The following DHX16 variants were observed in gnomAD, a reference collection of about 807,000 sequenced individuals.
DHX16 encodes the protein DEAH-box helicase 16.
A neutral mutation model predicts 131.2 loss-of-function variants in DHX16; 81 were observed. The observed-to-expected ratio is 0.62, with a 90% CI of 0.52 to 0.74. DHX16 has a LOEUF of 0.74. Among genes scored for constraint, DHX16 ranks in the 30% least tolerant of loss-of-function variants. The probability of loss-of-function intolerance (pLI) is 0.00; values close to 1 mark genes in which losing one functional copy is unlikely to be tolerated. For missense variants in DHX16, 980 were observed against 1,363.1 expected (o/e 0.72, Z 4.43); for synonymous variants, 440 against 520.2 (o/e 0.85, Z 2.10).
At chr6:30,667,975 T>A (rs1769198992) in intron 4 of DHX16, among the ~76,000 whole-genome samples, 1 of 152,228 alleles carries the variant, frequency 6.6e-6, no homozygotes, top group South Asian at 2.1e-4. Flanking sequence ...ATGCAATGCA[T>A]GAACCTTGAC....
chr6:30,658,383 A>T (rs1317628911), intron 12 of DHX16, among the ~76,000 whole-genome samples: 1 of 152,112 alleles, frequency 6.6e-6, no homozygotes, highest in Non-Finnish European at 1.5e-5. Context: ...TCTCTACTAA[A>T]AATACAAAAA....
At position 30,653,128 on chromosome 6, in the gene DHX16, C is replaced by T; in HGVS notation, c.*114G>A. ...GATAGAATTTCACATATCACTTTCTCTAGATCCCAAATGTTCCCACAAGCT... is the reference window on the plus strand; with the variant it reads ...GATAGAATTTCACATATCACTTTCTTTAGATCCCAAATGTTCCCACAAGCT... On this transcript the variant is annotated 3_prime_UTR_variant, in exon 20 of 20. Coordinates refer to ENST00000376442, the MANE Select transcript of DHX16 (RefSeq NM_003587.5). 4 of 1,336,902 alleles carry T rather than the reference C, an allele frequency of 3.0e-6. No homozygotes were observed. The highest frequency in any genetic ancestry group is 4.1e-6 in the Non-Finnish European group (4 of 986,184). The allele number at this position is 1,336,902 out of a possible 1,614,324, so 82.8% of individuals were successfully genotyped here.
chr6:30,672,919 G>A lies in DHX16; in HGVS notation c.-78C>T, dbSNP rs757591841. On this transcript the variant is annotated 5_prime_UTR_variant, in exon 1 of 20. Coordinates refer to ENST00000376442, the MANE Select transcript of DHX16 (RefSeq NM_003587.5). ...CTGCTGGGCCGGTCAGAGGCCTGGA[G>A]CCCTCGGCTGGAGCCTCAGCTTCGC... 6.4e-7 allele frequency: 1 copy of A among 1,573,186 alleles called. No individual in the cohort carries two copies. The highest frequency in any genetic ancestry group is 2.4e-5 in the East Asian group (1 of 41,672).
Position 30,672,752 on chromosome 6 carries a change from C to T in DHX16, c.90G>A (p.Leu30=). The T allele has an allele frequency of 6.2e-7, 1 of 1,613,084 alleles. No homozygotes were observed. Among genetic ancestry groups the T allele is most frequent in the Non-Finnish European group, 8.5e-7 (1 of 1,180,040 alleles). ...AGGTGCAGCGCTGTGCGGTACCGAT[C>T]AGAAACTGGGCGACGTGCCGCTCGC... The part of the protein sequence containing the change: ...GLSERHVAQF[L]IGTAQRCTSA... Residue 30 remains leucine (L), a synonymous_variant, in exon 1 of 20, where the codon CTG becomes CTA. Transcript: ENST00000376442.
intron 1 of DHX16, among the ~76,000 whole-genome samples, chr6:30,671,592 A>G (rs9295902): frequency 0.049 from 7,420 of 151,348 alleles, 359 homozygotes; most frequent in African/African-American, 0.12. Flanking sequence ...TGATCCACTC[A>G]CCTCAGCCTC....
chr6:30,670,268 C>T lies in DHX16; in HGVS notation c.666+142G>A. ...AAGTCTATCCTCAGCTGGCTCCTAA[C>T]AACCAAGCCCCTCTTCTAGAAACCT... On this transcript the variant is annotated intron_variant, in intron 4 of 19. Coordinates refer to ENST00000376442, the MANE Select transcript of DHX16 (RefSeq NM_003587.5). This position sits in a 1 kb window ranked among gnomAD's most constrained non-coding sequence, Gnocchi z 4.4. 1 of 770,354 alleles carries T rather than the reference C, an allele frequency of 1.3e-6. No individual in the cohort carries two copies. Among genetic ancestry groups the T allele is most frequent in the Non-Finnish European group, 2.0e-6 (1 of 489,346 alleles). 47.7% of individuals were successfully genotyped at this position (770,354 alleles called of 1,614,324 possible).
rs771141857 is a variant in DHX16, at chr6:30,665,212, G to A, written c.984C>T (p.Arg328=). 54 of 1,607,848 alleles carry A rather than the reference G, an allele frequency of 3.4e-5. No homozygotes were observed. The highest frequency in any genetic ancestry group is 4.2e-5 in the Non-Finnish European group (49 of 1,179,794). Residue 328 remains arginine, a synonymous_variant, in exon 6 of 20, where the codon CGC becomes CGT. Coordinates refer to ENST00000376442, the MANE Select transcript of DHX16 (RefSeq NM_003587.5). The surrounding 1 kb of genome is among the most constrained non-coding windows in gnomAD (Gnocchi z 4.8). The part of the protein sequence containing the change: ...ESGAPGEEQR[R]WEEARLGAAS... ...CTGCCCCAAGCCGCGCCTCCTCCCA[G>A]CGCCGCTGCTCCTCCCCAGGGGCTC...
At chr6:30,668,843 C>A (rs574835320) in intron 4 of DHX16, among the ~76,000 whole-genome samples, 37 of 152,260 alleles carry the variant, frequency 2.4e-4, no homozygotes, top group African/African-American at 5.1e-4. Flanking sequence ...TGGTGACTCA[C>A]GCCTATAATC....
intron 1 of DHX16, among the ~76,000 whole-genome samples, chr6:30,671,891 C>G (rs2127596431): frequency 6.6e-6 from 1 of 151,534 alleles, no homozygotes; most frequent in South Asian, 2.1e-4. Flanking sequence ...CCATGTTGCC[C>G]AGGCTGGTCT....
chr6:30,655,202 G>T lies in DHX16; in HGVS notation c.2796C>A (p.Cys932Ter). ...TGCGTACACGGATATAGTCCCCCTG[G>T]CAGGAACTGAGACCAACTTCCACAC... ...LERVEVGLSS[C>*]QGDYIRVRKA... The change falls in exon 18 of 20, where the codon TGC becomes TGA. Residue 932 changes from cysteine (C) to a stop codon, truncating the protein, a stop_gained. Coordinates refer to ENST00000376442, the MANE Select transcript of DHX16 (RefSeq NM_003587.5). LOFTEE classifies it high-confidence loss of function. 6.2e-7 allele frequency: 1 copy of T among 1,614,174 alleles called. No individual in the cohort carries two copies.
chr6:30,654,636 T>G, intron 19 of DHX16, 70 bp downstream of exon 19: 1 of 1,458,074 alleles, frequency 6.9e-7, no homozygotes, highest in Non-Finnish European at 9.2e-7. Context: ...TGAACCTGGG[T>G]TCTTAGCTTG....
intron 12 of DHX16, 83 bp downstream of exon 12, chr6:30,659,389 C>G (rs1768265970): frequency 6.9e-7 from 1 of 1,442,536 alleles, no homozygotes; most frequent in African/African-American, 1.4e-5. Flanking sequence ...GCAGGACTCA[C>G]CTTGCATGGG....
intron 19 of DHX16, among the ~76,000 whole-genome samples, chr6:30,654,106 C>T (rs915944094): frequency 1.4e-4 from 10 of 72,092 alleles, no homozygotes; most frequent in African/African-American, 2.6e-4. Context: ...TACAACAGCA[C>T]GGAACTCTCA....
intron 7 of DHX16, 133 bp downstream of exon 7, chr6:30,664,668 T>C: frequency 1.3e-6 from 1 of 795,702 alleles, no homozygotes; most frequent in Non-Finnish European, 2.0e-6. Flanking sequence ...TGGTCTTTAC[T>C]CTCAAGAATT....
intron 1 of DHX16, among the ~76,000 whole-genome samples, chr6:30,671,678 T>C (rs550040534): frequency 2.0e-5 from 3 of 149,944 alleles, no homozygotes; most frequent in Non-Finnish European, 4.5e-5. Flanking sequence ...CTAACCAGCA[T>C]TCATTCTCTT....
intron 1 of DHX16, 128 bp from the exon 2 acceptor site, chr6:30,671,402 C>A: frequency 1.2e-6 from 1 of 851,976 alleles, no homozygotes; most frequent in Non-Finnish European, 1.9e-6. Context: ...CACTGTCAGG[C>A]AATGGCGTGA....
rs1424050438 is a variant in DHX16 at position 30,663,034 on chromosome 6, G to A, written c.1318-13C>T. 1.3e-6 allele frequency: 2 copies of A among 1,587,776 alleles called. No individual in the cohort carries two copies. Among genetic ancestry groups the A allele is most frequent in the Non-Finnish European group, 1.7e-6 (2 of 1,167,806 alleles). On this transcript the variant is annotated splice_polypyrimidine_tract_variant and intron_variant, in intron 7 of 19. Coordinates refer to ENST00000376442, the MANE Select transcript of DHX16 (RefSeq NM_003587.5). ...TGTTTGTATAACCCTGAATGACAAAGAAAAAAGAAGAAGTTTGCCCTTTAC... is the reference window on the plus strand; with the variant it reads ...TGTTTGTATAACCCTGAATGACAAAAAAAAAAGAAGAAGTTTGCCCTTTAC...
chr6:30,668,806 T>C (rs1392277007), intron 4 of DHX16, among the ~76,000 whole-genome samples: 1 of 152,138 alleles, frequency 6.6e-6, no homozygotes, highest in Non-Finnish European at 1.5e-5. Context: ...AGGCCATTCT[T>C]AGAACTCCAA....
rs1288257891 is a variant in DHX16 at position 30,655,516 on chromosome 6, C to T, written c.2580G>A (p.Lys860=). Residue 860 remains lysine, a synonymous_variant, in exon 17 of 20, where the codon AAG becomes AAA. Transcript: ENST00000376442. ...NNSIFYRPKD[K]VVHADNARVN... The stretch of plus-strand genomic sequence containing the variant: ...CACGGGCATTGTCAGCATGGACGAC[C>T]TTGTCCTTTGGTCGGTAGAAGATGG... The T allele has an allele frequency of 9.9e-6, 16 of 1,613,128 alleles. No homozygotes were observed. The highest frequency in any genetic ancestry group is 2.2e-5 in the East Asian group (1 of 44,886).
Sources: allele counts gnomAD v4.1 joint callset (sites outside exome capture counted in the v4.1 genomes callset), GRCh38; gene constraint gnomAD v4.1.1; non-coding constraint Gnocchi (gnomAD v3.1); transcripts MANE v1.5; gene names NCBI Gene and HGNC (gene_info 2026-07-23, HGNC 2026-07-21).